The following SIPA1L1 variants were observed in gnomAD, a reference collection of about 807,000 sequenced individuals.
SIPA1L1 encodes the protein signal-induced proliferation-associated 1-like protein 1.
A neutral mutation model predicts 162.7 loss-of-function variants in SIPA1L1; 26 were observed. The observed-to-expected ratio is 0.16, with a 90% CI of 0.12 to 0.22. SIPA1L1 has a LOEUF of 0.22. SIPA1L1 is among the 10% of genes least tolerant of loss of function. The pLI is 1.00. For synonymous variants in SIPA1L1, 829 were observed against 837.4 expected (o/e 0.99, Z 0.17); for missense variants, 1,874 against 2,241.0 (o/e 0.84, Z 3.31).
intron 2 of SIPA1L1, among the ~76,000 whole-genome samples, chr14:71,342,240 A>G (rs766846910): frequency 6.6e-6 from 1 of 152,206 alleles, no homozygotes; most frequent in South Asian, 2.1e-4. Flanking sequence ...CTGGATTCAA[A>G]TGATCCACCT....
chr14:71,419,071 G>A (rs2042992622), intron 2 of SIPA1L1, among the ~76,000 whole-genome samples: 1 of 152,116 alleles, frequency 6.6e-6, no homozygotes, highest in South Asian at 2.1e-4. Flanking sequence ...CTCAGAGCAG[G>A]GGTGTTTCCT....
intron 2 of SIPA1L1, among the ~76,000 whole-genome samples, chr14:71,342,095 C>G (rs1306243403): frequency 2.0e-5 from 3 of 152,076 alleles, no homozygotes; most frequent in African/African-American, 4.8e-5. Flanking sequence ...CCTCTGCCTC[C>G]TGGGTTAAAG....
At chr14:71,634,318 C>G (rs966680294) in intron 7 of SIPA1L1, among the ~76,000 whole-genome samples, 8 of 150,102 alleles carry the variant, frequency 5.3e-5, no homozygotes, top group Non-Finnish European at 1.2e-4. Flanking sequence ...AGGAGAATTG[C>G]TTGAACCCAG....
At chr14:71,393,472 A>G (rs1224799265) in intron 2 of SIPA1L1, among the ~76,000 whole-genome samples, 1 of 152,184 alleles carries the variant, frequency 6.6e-6, no homozygotes, top group Non-Finnish European at 1.5e-5. Flanking sequence ...CGATTTGTAA[A>G]GTCTTATTGG....
At chr14:71,662,543 G>C (rs1471456983) in intron 10 of SIPA1L1, among the ~76,000 whole-genome samples, 1 of 152,218 alleles carries the variant, frequency 6.6e-6, no homozygotes, top group Non-Finnish European at 1.5e-5. Flanking sequence ...GGCTAGTGTT[G>C]AGCAGAATTA....
At position 71,587,676 on chromosome 14, in the gene SIPA1L1, G is replaced by A; in HGVS notation, c.-197G>A. On this transcript the variant is annotated 5_prime_UTR_variant, in exon 5 of 24. Transcript: ENST00000381232. ...TAAAGTGAAGCAAAGAAACTGTTGT[G>A]GATTATAACGTTTAGAAGTTCCAAT... 1 of 542,306 alleles carries A rather than the reference G, an allele frequency of 1.8e-6. No individual in the cohort carries two copies. 33.6% of individuals were successfully genotyped at this position (542,306 alleles called of 1,614,324 possible).
At chr14:71,678,290 C>T (rs1292930843) in intron 12 of SIPA1L1, among the ~76,000 whole-genome samples, 1 of 152,168 alleles carries the variant, frequency 6.6e-6, no homozygotes, top group South Asian at 2.1e-4. Flanking sequence ...TCATAAATAG[C>T]TCTTATTATT....
At position 71,709,756 on chromosome 14, in the gene SIPA1L1, A is replaced by G. The variant is rs182416166; in HGVS notation, c.4208+92A>G. 1.8e-4 allele frequency: 184 copies of G among 1,041,204 alleles called. 1 individual carries two copies. The Admixed American group carries it at 5.0e-3, about 28-fold the overall frequency. The allele number at this position is 1,041,204 out of a possible 1,614,324, so 64.5% of individuals were successfully genotyped here. A position where few individuals can be genotyped will look rare whatever the true frequency, so the allele number is the denominator to read the frequency against. ...ACTTTACTTTGCTCAATAGTGTATA[A>G]GGAAAGGAGGTTTTTCTGCAGTGAC... is the stretch of plus-strand genomic sequence containing the variant. On this transcript the variant is annotated intron_variant, in intron 17 of 23. Transcript: ENST00000381232.
intron 4 of SIPA1L1, among the ~76,000 whole-genome samples, chr14:71,544,096 C>CGCACATGTATGTATATACACATATAT (rs1567180356): frequency 2.1e-5 from 3 of 142,646 alleles, no homozygotes; most frequent in African/African-American, 7.6e-5. Flanking sequence ...TATATACACA[C>CGCACATGTATGTATATACACATATAT]GCACATGTAT....
chr14:71,669,671 T>A (rs146340488), intron 10 of SIPA1L1, among the ~76,000 whole-genome samples: 208 of 152,300 alleles, frequency 1.4e-3, no homozygotes, highest in Non-Finnish European at 2.5e-3. Flanking sequence ...ATTGGTATAA[T>A]TAAGCCATAT....
chr14:71,634,082 CA>C (rs2040866234), intron 7 of SIPA1L1, among the ~76,000 whole-genome samples: 1 of 151,050 alleles, frequency 6.6e-6, no homozygotes, highest in Admixed American at 6.6e-5. Context: ...TTGAAAGAAG[CA>C]AAAGATAAAT....
At position 71,658,446 on chromosome 14, in the gene SIPA1L1, C is replaced by T; in HGVS notation, c.2097+10C>T. 6.8e-7 allele frequency: 1 copy of T among 1,463,950 alleles called. No homozygotes were observed. The highest frequency in any genetic ancestry group is 9.6e-7 in the Non-Finnish European group (1 of 1,043,136). The allele number at this position is 1,463,950 out of a possible 1,614,324, so 90.7% of individuals were successfully genotyped here. The stretch of plus-strand genomic sequence containing the variant: ...CAACAACAAACAACAGGTAAGAGAT[C>T]CTCCTGTTATCTGTGTTTTCACCCT... On this transcript the variant is annotated intron_variant, in intron 9 of 23. Transcript: ENST00000381232.
At chr14:71,648,643 A>G (rs920273105) in intron 7 of SIPA1L1, among the ~76,000 whole-genome samples, 6 of 152,258 alleles carry the variant, frequency 3.9e-5, no homozygotes, top group East Asian at 1.9e-4. Flanking sequence ...CCCACAATCA[A>G]TTATGCAGGG....
At chr14:71,437,882 G>A (rs1043351317) in intron 2 of SIPA1L1, among the ~76,000 whole-genome samples, 2 of 152,180 alleles carry the variant, frequency 1.3e-5, no homozygotes, top group South Asian at 2.1e-4. Flanking sequence ...TCAATAGGAA[G>A]TAATTTGGAA....
At chr14:71,518,476 T>C (rs1330185735) in intron 3 of SIPA1L1, among the ~76,000 whole-genome samples, 1 of 152,202 alleles carries the variant, frequency 6.6e-6, no homozygotes, top group African/African-American at 2.4e-5. Context: ...TAATTAATAG[T>C]TGGTATGGCA....
At chr14:71,607,922 A>T (rs755030691) in intron 5 of SIPA1L1, among the ~76,000 whole-genome samples, 7 of 152,228 alleles carry the variant, frequency 4.6e-5, no homozygotes, top group Non-Finnish European at 7.3e-5. Context: ...CTTTCAGTAC[A>T]AGTTGATGAC....
chr14:71,631,013 CCCTCCCCCAG>C (rs1170729269), intron 7 of SIPA1L1, among the ~76,000 whole-genome samples: 1 of 152,008 alleles, frequency 6.6e-6, no homozygotes, highest in Non-Finnish European at 1.5e-5. Context: ...CCAATGCTAT[CCCTCCCCCAG>C]CCCCCCAGCC....
chr14:71,495,914 GAA>G (rs2049724457), intron 2 of SIPA1L1, among the ~76,000 whole-genome samples: 1 of 79,046 alleles, frequency 1.3e-5, no homozygotes, highest in Non-Finnish European at 2.8e-5. Flanking sequence ...AAAAAAAAAA[GAA>G]GAAGAAAGAA....
At chr14:71,350,363 G>A (rs901349917) in intron 2 of SIPA1L1, among the ~76,000 whole-genome samples, 2 of 152,054 alleles carry the variant, frequency 1.3e-5, no homozygotes, top group Non-Finnish European at 2.9e-5. Flanking sequence ...AGCCGAGATC[G>A]CACCACTGCA....
Sources: gnomAD v4.1 joint callset for allele counts (sites outside exome capture counted in the v4.1 genomes callset) on GRCh38, gnomAD v4.1.1 for gene constraint, MANE v1.5 for transcripts, NCBI Gene and HGNC (gene_info 2026-07-23, HGNC 2026-07-21) for gene names.